The following ETNK1 variants were observed in gnomAD, a reference collection of about 807,000 sequenced individuals.
ETNK1 encodes ethanolamine kinase 1.
Under a neutral mutation model 45.1 loss-of-function variants are expected in ETNK1, and 8 were observed. The observed-to-expected ratio is 0.18, with a 90% confidence interval of 0.10 to 0.32. ETNK1 has a LOEUF of 0.32. Among genes scored for constraint, ETNK1 ranks in the 10% least tolerant of loss-of-function variants. The pLI is 1.00. For synonymous variants in ETNK1, 152 were observed against 151.9 expected, an observed-to-expected ratio of 1.00 and a Z score of -0.01; for missense variants, 302 against 430.6, an observed-to-expected ratio of 0.70 and a Z score of 2.64.
chr12:22,670,002 T>A (rs1565446970), intron 4 of ETNK1, among the ~76,000 whole-genome samples: 1 of 152,054 alleles, frequency 6.6e-6, no homozygotes, highest in Non-Finnish European at 1.5e-5. Flanking sequence ...ATATATTAAA[T>A]ACAATTATAT....
intron 1 of ETNK1, among the ~76,000 whole-genome samples, chr12:22,634,594 A>G (rs1163054713): frequency 2.0e-5 from 3 of 152,270 alleles, no homozygotes; most frequent in Non-Finnish European, 4.4e-5. Flanking sequence ...CTTTTCAAAG[A>G]ACAATTTTTG....
rs1270876481 is a variant in ETNK1 at position 22,652,938 on chromosome 12, T to C, written c.417-6076T>C. Among the ~76,000 whole-genome samples the C allele has an allele frequency of 2.6e-5, 4 of 152,274 alleles. No homozygotes were observed. In the East Asian group the frequency reaches 7.7e-4, roughly 29 times the overall value. On this transcript the variant is annotated intron_variant, in intron 2 of 7. Transcript: ENST00000266517. Reference sequence around the variant, plus strand: ...CCAGTGTGATGAAGGTTTCCCCCTATGTTTTCTCATGAGAGTTTTAATAGT... The same window carrying C: ...CCAGTGTGATGAAGGTTTCCCCCTACGTTTTCTCATGAGAGTTTTAATAGT...
chr12:22,690,392 AT>A lies in ETNK1; in HGVS notation c.*5441del, dbSNP rs1954294214. 1 of 152,556 alleles carries A rather than the reference AT, an allele frequency of 6.6e-6. No individual in the cohort carries two copies. Among genetic ancestry groups the A allele is most frequent in the South Asian group, 2.1e-4 (1 of 4,838 alleles). 9.5% of individuals were successfully genotyped at this position (152,556 alleles called of 1,614,324 possible). On this transcript the variant is annotated 3_prime_UTR_variant, in exon 8 of 8. Coordinates refer to ENST00000266517, the MANE Select transcript of ETNK1 (RefSeq NM_018638.5). ...TTTTACTACTGTTAATTTAAATAAAATTTGTTCTGTGGATAAAATGAGGTTG... is the reference window on the plus strand; with the variant it reads ...TTTTACTACTGTTAATTTAAATAAAATTGTTCTGTGGATAAAATGAGGTTG...
Position 22,625,207 on chromosome 12 carries a change from T to C in ETNK1, c.-224T>C, listed in dbSNP as rs1215577983. On this transcript the variant is annotated 5_prime_UTR_variant, in exon 1 of 8. Transcript: ENST00000266517. ...CGGTCCAGCTCCGACAACAGGAATT[T>C]TCTCCGAGAGCGGGCCGGGCTCAGT... is the stretch of plus-strand genomic sequence containing the variant. 1 of 1,609,764 alleles carries C rather than the reference T, an allele frequency of 6.2e-7. No homozygotes were observed. Among genetic ancestry groups the C allele is most frequent in the Non-Finnish European group, 8.5e-7 (1 of 1,178,134 alleles).
chr12:22,676,857 T>G (rs1430692329), intron 6 of ETNK1, among the ~76,000 whole-genome samples: 6 of 72,382 alleles, frequency 8.3e-5, no homozygotes, highest in Non-Finnish European at 2.6e-4. Flanking sequence ...TTTTGATGGG[T>G]TTTTTTTTTC....
intron 3 of ETNK1, among the ~76,000 whole-genome samples, chr12:22,660,034 T>TAAAAAAAAAAA (rs371874842): frequency 8.2e-6 from 1 of 122,578 alleles, no homozygotes; most frequent in Non-Finnish European, 1.8e-5. Context: ...ACACTACCTT[T>TAAAAAAAAAAA]AAAAAAAAAA....
chr12:22,685,989 T>C lies in ETNK1; in HGVS notation c.*1035T>C, dbSNP rs1337805632. The C allele has an allele frequency of 6.6e-6, 1 of 152,394 alleles. No individual in the cohort carries two copies. Among genetic ancestry groups the C allele is most frequent in the East Asian group, 1.9e-4 (1 of 5,202 alleles). 9.4% of individuals were successfully genotyped at this position (152,394 alleles called of 1,614,324 possible). On this transcript the variant is annotated 3_prime_UTR_variant, in exon 8 of 8. Transcript: ENST00000266517. ...AGTTTCATGTTTTAGTTTGATTCTATGTTTTTAGACTGATAGCAAATGATT... is the reference window on the plus strand; with the variant it reads ...AGTTTCATGTTTTAGTTTGATTCTACGTTTTTAGACTGATAGCAAATGATT...
intron 6 of ETNK1, among the ~76,000 whole-genome samples, chr12:22,677,232 A>T (rs1312724100): frequency 6.6e-6 from 1 of 152,318 alleles, no homozygotes; most frequent in African/African-American, 2.4e-5. Context: ...GCATATGGCT[A>T]GCCAGTTTTC....
intron 4 of ETNK1, 89 bp downstream of exon 4, chr12:22,661,294 A>C: frequency 7.7e-6 from 9 of 1,166,180 alleles, no homozygotes; most frequent in Non-Finnish European, 1.1e-5. Flanking sequence ...AATAAATTCA[A>C]ATGCAAGGAG....
At chr12:22,629,585 A>C (rs1565860697) in intron 1 of ETNK1, among the ~76,000 whole-genome samples, 1 of 152,172 alleles carries the variant, frequency 6.6e-6, no homozygotes, top group African/African-American at 2.4e-5. Flanking sequence ...AGCCAGATCT[A>C]TACAATTGCT....
At chr12:22,640,053 A>G (rs1953714597) in intron 1 of ETNK1, among the ~76,000 whole-genome samples, 1 of 152,198 alleles carries the variant, frequency 6.6e-6, no homozygotes, top group African/African-American at 2.4e-5. Context: ...CTTCATCAAT[A>G]TTAAGCAATT....
chr12:22,662,015 T>G (rs1185310830), intron 4 of ETNK1, among the ~76,000 whole-genome samples: 1 of 151,704 alleles, frequency 6.6e-6, no homozygotes, highest in African/African-American at 2.4e-5. Flanking sequence ...TAAAAAATGT[T>G]TTTGAAACTG....
chr12:22,627,703 G>C (rs1256498886), intron 1 of ETNK1, among the ~76,000 whole-genome samples: 1 of 152,096 alleles, frequency 6.6e-6, no homozygotes, highest in Non-Finnish European at 1.5e-5. Context: ...ATAGTCGACA[G>C]AGTATAATGT....
rs191223628 is a variant in ETNK1, at chr12:22,667,649, C to T, written c.701-3623C>T. On this transcript the variant is annotated intron_variant, in intron 4 of 7. Coordinates refer to ENST00000266517, the MANE Select transcript of ETNK1 (RefSeq NM_018638.5). ...CATTAGTAGGATTATAGTTACTTTTCGTATCGTTCTCTTCGAACCTGCCTA... is the reference window on the plus strand; with the variant it reads ...CATTAGTAGGATTATAGTTACTTTTTGTATCGTTCTCTTCGAACCTGCCTA... Among the ~76,000 whole-genome samples, 10 of 152,236 alleles carry T rather than the reference C, an allele frequency of 6.6e-5. No homozygotes were observed. The East Asian group carries it at 9.6e-4, about 15-fold the overall frequency.
intron 6 of ETNK1, 98 bp downstream of exon 6, chr12:22,673,758 G>A: frequency 1.7e-6 from 2 of 1,188,348 alleles, no homozygotes; most frequent in Non-Finnish European, 2.4e-6. Context: ...TTTAAGTTTT[G>A]TGAATTTTTG....
chr12:22,649,034 G>T (rs1953842077), intron 2 of ETNK1, among the ~76,000 whole-genome samples: 1 of 151,964 alleles, frequency 6.6e-6, no homozygotes, highest in Non-Finnish European at 1.5e-5. Context: ...TGTCTGATAA[G>T]GTATTTGGTC....
rs1954280007 is a variant in ETNK1 at position 22,688,605 on chromosome 12, A to G, written c.*3651A>G. 6.6e-6 allele frequency: 1 copy of G among 152,340 alleles called. No homozygotes were observed. The allele number at this position is 152,340 out of a possible 1,614,324, so 9.4% of individuals were successfully genotyped here. ...AGCATTCCAAAGTGATACAGACTTA[A>G]GCTTTTAATCAATCAGTCATTCAGT... On this transcript the variant is annotated 3_prime_UTR_variant, in exon 8 of 8. Transcript: ENST00000266517.
At chr12:22,639,782 G>A (rs1033023772) in intron 1 of ETNK1, among the ~76,000 whole-genome samples, 6 of 152,094 alleles carry the variant, frequency 3.9e-5, no homozygotes, top group African/African-American at 1.2e-4. Context: ...AGGTTGTTTC[G>A]TGAAATCAGG....
chr12:22,683,051 GT>G (rs924204623), intron 6 of ETNK1, among the ~76,000 whole-genome samples: 2 of 152,066 alleles, frequency 1.3e-5, no homozygotes, highest in Non-Finnish European at 2.9e-5. Flanking sequence ...TTGAATATTT[GT>G]TATATGCCAG....
Sources: allele counts gnomAD v4.1 joint callset (sites outside exome capture counted in the v4.1 genomes callset), GRCh38; gene constraint gnomAD v4.1.1; transcripts MANE v1.5; gene names NCBI Gene and HGNC (gene_info 2026-07-23, HGNC 2026-07-21).